The following LRFN1 variants were observed in gnomAD, a reference collection of about 807,000 sequenced individuals.
LRFN1 encodes the protein leucine-rich repeat and fibronectin type III domain-containing protein 1.
In LRFN1, 20 loss-of-function variants were observed where a neutral mutation model predicts 31.8. That is an observed-to-expected ratio of 0.63 (90% CI 0.44 to 0.91). LRFN1 has a LOEUF of 0.91. Ranked by LOEUF, LRFN1 falls within the 40% of genes least tolerant of loss-of-function variation. LRFN1 has a pLI of 0.00. For missense variants in LRFN1, 912 were observed against 1,129.8 expected, an observed-to-expected ratio of 0.81 and a Z score of 2.76; for synonymous variants, 514 against 541.3, an observed-to-expected ratio of 0.95 and a Z score of 0.70.
At chr19:39,313,120 G>T (rs2075156727) in intron 4 of LRFN1, among the ~76,000 whole-genome samples, 1 of 152,206 alleles carries the variant, frequency 6.6e-6, no homozygotes, top group South Asian at 2.1e-4. Flanking sequence ...CAGGGCAATG[G>T]CTTCAAACCC....
intron 2 of LRFN1, among the ~76,000 whole-genome samples, chr19:39,317,273 A>G (rs1165007344): frequency 6.6e-6 from 1 of 152,086 alleles, no homozygotes. Context: ...AGTAAGAGAG[A>G]CAATGACCGG....
intron 2 of LRFN1, 79 bp downstream of exon 2, chr19:39,318,247 C>T (rs2075177712): frequency 6.5e-6 from 1 of 152,674 alleles, no homozygotes; most frequent in African/African-American, 2.4e-5. Context: ...AGGCAGGGTT[C>T]CAGACCCCCA....
intron 2 of LRFN1, among the ~76,000 whole-genome samples, chr19:39,316,595 G>C (rs1267947787): frequency 6.6e-6 from 1 of 152,206 alleles, no homozygotes; most frequent in Non-Finnish European, 1.5e-5. Context: ...GAGTCTTCCA[G>C]TTCAGCCTCA....
intron 2 of LRFN1, among the ~76,000 whole-genome samples, chr19:39,316,781 C>A (rs1489425124): frequency 6.6e-6 from 1 of 152,138 alleles, no homozygotes; most frequent in African/African-American, 2.4e-5. Context: ...ATTCCCCCTG[C>A]GGCGGCTGCA....
chr19:39,308,541 T>A lies in LRFN1; in HGVS notation c.1408A>T (p.Met470Leu). ...SSVDDSLVYR[M>L]IPSTSQTFLV... ...AAGGTCTGACTGGTGGACGGGATCA[T>A]CCTGTAGGAGGGGGCGGGTTCAGGG... The change falls in exon 5 of 5, where the codon ATG (methionine) becomes TTG (leucine). Residue 470 changes from methionine to leucine, a missense_variant and splice_region_variant. Transcript: ENST00000248668. The surrounding 1 kb of genome is among the most constrained non-coding windows in gnomAD (Gnocchi z 6.2). 1 of 1,405,344 alleles carries A rather than the reference T, an allele frequency of 7.1e-7. No individual in the cohort carries two copies. The highest frequency in any genetic ancestry group is 9.7e-7 in the Non-Finnish European group (1 of 1,025,840). 87.1% of individuals were successfully genotyped at this position (1,405,344 alleles called of 1,614,324 possible).
chr19:39,308,259 C>G lies in LRFN1; in HGVS notation c.1690G>C (p.Asp564His). Residue 564 changes from aspartate to histidine, a missense_variant, in exon 5 of 5, where the codon GAC becomes CAC. Asp to His is a moderately conservative substitution (Grantham distance 81). This residue lies in a region of LRFN1 where 511 missense variants were observed against 557.0 expected (regional missense o/e 0.92). Transcript: ENST00000248668. The surrounding 1 kb of genome is among the most constrained non-coding windows in gnomAD (Gnocchi z 6.2). ...LLMIRYKVYGDGDSRRVKGSR... is the reference protein window; with the variant it reads ...LLMIRYKVYGHGDSRRVKGSR... The stretch of plus-strand genomic sequence containing the variant: ...CCCTTGACGCGGCGGCTGTCCCCGT[C>G]GCCATACACCTTATAGCGGATCATG... The G allele has an allele frequency of 6.2e-7, 1 of 1,612,838 alleles. No individual in the cohort carries two copies.
At position 39,320,381 on chromosome 19, in the gene LRFN1, C is replaced by A. The variant is rs551979222; in HGVS notation, c.-126+412G>T. On this transcript the variant is annotated intron_variant, in intron 1 of 4. Transcript: ENST00000248668. ...GCGGGCACACCCGGCTCCACAGACCCGGGGATGGACATCCAACCCGGACAC... is the reference window on the plus strand; with the variant it reads ...GCGGGCACACCCGGCTCCACAGACCAGGGGATGGACATCCAACCCGGACAC... Among the ~76,000 whole-genome samples the A allele has an allele frequency of 3.6e-4, 54 of 151,964 alleles. 1 individual carries two copies. The South Asian group carries it at 6.8e-3, about 19-fold the overall frequency.
chr19:39,320,104 C>A (rs1012079692), intron 1 of LRFN1, among the ~76,000 whole-genome samples: 1 of 149,250 alleles, frequency 6.7e-6, no homozygotes, highest in African/African-American at 2.5e-5. Flanking sequence ...CGCCCATCCC[C>A]CCCCCGCAAC....
At chr19:39,316,236 T>C (rs1224481356) in intron 2 of LRFN1, 100 bp from the exon 3 acceptor site, 1 of 152,218 alleles carries the variant, frequency 6.6e-6, no homozygotes, top group Non-Finnish European at 1.5e-5. Flanking sequence ...AAAATGTGCT[T>C]ATTACATGTT....
chr19:39,318,492 G>C (rs1440135059), intron 1 of LRFN1, 134 bp from the exon 2 acceptor site: 1 of 152,198 alleles, frequency 6.6e-6, no homozygotes, highest in Non-Finnish European at 1.5e-5. Context: ...GGCGGGTTTT[G>C]CATAGTCTCA....
chr19:39,312,979 A>C (rs1296426741), intron 4 of LRFN1, among the ~76,000 whole-genome samples: 3 of 152,112 alleles, frequency 2.0e-5, no homozygotes, highest in Non-Finnish European at 4.4e-5. Flanking sequence ...TGCACAAAGC[A>C]GGGGCTCTGT....
rs562213308 is a variant in LRFN1 at position 39,314,239 on chromosome 19, G to T, written c.1098C>A (p.Gly366=). ...CATTGGAGGCGATACAAGTGAAGGT[G>T]CCACTGTCCCTCAAGGTGGTGATGG... is the stretch of plus-strand genomic sequence containing the variant. ...DVTITTLRDS[G]TFTCIASNAA... Residue 366 remains glycine, a synonymous_variant, in exon 4 of 5, where the codon GGC becomes GGA. Transcript: ENST00000248668. 1.2e-6 allele frequency: 2 copies of T among 1,613,168 alleles called. No homozygotes were observed. Among genetic ancestry groups the T allele is most frequent in the African/African-American group, 1.3e-5 (1 of 74,918 alleles).
At chr19:39,317,306 G>A (rs536398345) in intron 2 of LRFN1, among the ~76,000 whole-genome samples, 77 of 152,062 alleles carry the variant, frequency 5.1e-4, no homozygotes, top group Non-Finnish European at 9.9e-4. Context: ...AAAAGAGGCC[G>A]GATCGGGGTG....
chr19:39,316,842 G>C (rs2075173664), intron 2 of LRFN1, among the ~76,000 whole-genome samples: 1 of 152,186 alleles, frequency 6.6e-6, no homozygotes. Flanking sequence ...GGGGGGTGAA[G>C]AGGAAAGGAT....
Position 39,308,173 on chromosome 19 carries a change from G to A in LRFN1, c.1776C>T (p.Gly592=). The A allele has an allele frequency of 6.3e-7, 1 of 1,580,458 alleles. No individual in the cohort carries two copies. The highest frequency in any genetic ancestry group is 2.2e-5 in the East Asian group (1 of 44,466). Residue 592 remains glycine, a synonymous_variant, in exon 5 of 5, where the codon GGC becomes GGT. Coordinates refer to ENST00000248668, the MANE Select transcript of LRFN1 (RefSeq NM_020862.2). This position sits in a 1 kb window ranked among gnomAD's most constrained non-coding sequence, Gnocchi z 6.2. The stretch of plus-strand genomic sequence containing the variant: ...CCGGCAGGGCCGGGGCCTGTGCCGC[G>A]CCTGTGCCTGCGCCGTTGGTCTGCG... ...VCSQTNGAGT[G]AAQAPALPAQ...
Position 39,307,985 on chromosome 19 carries a change from G to T in LRFN1, c.1964C>A (p.Ser655Tyr). The part of the protein sequence containing the change: ...GSATSLCLLP[S>Y]EETSGEESRA... Reference sequence around the variant, plus strand: ...AGACTCCTCCCCGGAAGTTTCCTCGGATGGCAGCAGGCACAGCGAGGTGGC... The same window carrying T: ...AGACTCCTCCCCGGAAGTTTCCTCGTATGGCAGCAGGCACAGCGAGGTGGC... Residue 655 changes from serine (S) to tyrosine (Y), a missense_variant, in exon 5 of 5, where the codon TCC becomes TAC. Around this residue, in one of 2 missense-constraint regions of LRFN1, gnomAD observed 511 missense variants for 557.0 expected, o/e 0.92. Transcript: ENST00000248668. The surrounding 1 kb of genome is among the most constrained non-coding windows in gnomAD (Gnocchi z 6.7). 3 of 1,579,580 alleles carry T rather than the reference G, an allele frequency of 1.9e-6. No individual in the cohort carries two copies. In the South Asian group the frequency reaches 3.4e-5, roughly 18 times the overall value.
rs1009846500 is a variant in LRFN1 at position 39,314,194 on chromosome 19, C to T, written c.1143G>A (p.Ala381=). The change falls in exon 4 of 5, where the codon GCG becomes GCA. Residue 381 remains alanine (A), a synonymous_variant. Transcript: ENST00000248668. The part of the protein sequence containing the change: ...IASNAAGEAT[A]PVEVCVVPLP... The stretch of plus-strand genomic sequence containing the variant: ...GAGGTACCACGCACACCTCCACGGG[C>T]GCCGTCGCTTCCCCAGCAGCATTGG... The T allele has an allele frequency of 3.1e-6, 5 of 1,613,168 alleles. No homozygotes were observed. Among genetic ancestry groups the T allele is most frequent in the South Asian group, 1.1e-5 (1 of 91,080 alleles).
Position 39,307,997 on chromosome 19 carries a change from C to T in LRFN1, c.1952G>A (p.Cys651Tyr). 6.3e-7 allele frequency: 1 copy of T among 1,576,654 alleles called. No homozygotes were observed. Among genetic ancestry groups the T allele is most frequent in the East Asian group, 2.3e-5 (1 of 43,432 alleles). Residue 651 changes from cysteine (C) to tyrosine (Y), a missense_variant, in exon 5 of 5, where the codon TGC (cysteine) becomes TAC (tyrosine). By Grantham distance (194) the Cys-to-Tyr change is radical (BLOSUM62 -2). This residue lies in a region of LRFN1 where 511 missense variants were observed against 557.0 expected (regional missense o/e 0.92). Transcript: ENST00000248668. The surrounding 1 kb of genome is among the most constrained non-coding windows in gnomAD (Gnocchi z 6.7). ...GGAAGTTTCCTCGGATGGCAGCAGG[C>T]ACAGCGAGGTGGCCGAGCCGCCCAG... ...RSLGGSATSL[C>Y]LLPSEETSGE...
chr19:39,314,979 G>A lies in LRFN1; in HGVS notation c.358C>T (p.Leu120=). The A allele has an allele frequency of 1.3e-6, 2 of 1,592,450 alleles. No homozygotes were observed. Among genetic ancestry groups the A allele is most frequent in the Non-Finnish European group, 1.7e-6 (2 of 1,174,992 alleles). The stretch of plus-strand genomic sequence containing the variant: ...ACCTCCGCCAGGCGGTTGCTGTCCA[G>A]GTGCAGGGCCCGGAGGGCACGCAGG... ...ADLRALRALH[L]DSNRLAEVRG... Residue 120 remains leucine (L), a synonymous_variant, in exon 4 of 5, where the codon CTG becomes TTG. Transcript: ENST00000248668.
Sources: gnomAD v4.1 joint callset for allele counts (sites outside exome capture counted in the v4.1 genomes callset) on GRCh38, gnomAD v4.1.1 for gene constraint, gnomAD v4.1.1 regional missense constraint, Gnocchi (gnomAD v3.1) non-coding constraint, MANE v1.5 for transcripts, NCBI Gene and HGNC (gene_info 2026-07-23, HGNC 2026-07-21) for gene names.